The following RORC variants were observed in gnomAD, a reference collection of about 807,000 sequenced individuals.
RORC encodes nuclear receptor ROR-gamma.
In RORC, 13 loss-of-function variants were observed where a neutral mutation model predicts 64.5. The observed-to-expected ratio is 0.20, with a 90% CI of 0.13 to 0.32. The LOEUF (loss-of-function observed/expected upper bound fraction) is 0.32, where lower values mean the gene tolerates loss of function less well. Ranked by LOEUF, RORC falls within the 10% of genes least tolerant of loss-of-function variation. RORC has a pLI of 1.00. For synonymous variants in RORC, 277 were observed against 259.3 expected (o/e 1.07, Z -0.65); for missense variants, 468 against 669.5 (o/e 0.70, Z 3.32).
At chr1:151,812,415 A>G (rs1275850781) in intron 9 of RORC, 2 of 153,976 alleles carry the variant, frequency 1.3e-5, no homozygotes, top group Non-Finnish European at 2.9e-5. Flanking sequence ...CTGTAGGCTA[A>G]TGTAAGCATT....
intron 10 of RORC, among the ~76,000 whole-genome samples, chr1:151,809,858 C>G (rs10494269): frequency 0.22 from 34,201 of 152,136 alleles, 4,241 homozygotes; most frequent in Admixed American, 0.35. Flanking sequence ...AGTAAATTGC[C>G]TAAATGACAG....
chr1:151,818,482 G>C (rs999837466), intron 2 of RORC, among the ~76,000 whole-genome samples: 1 of 152,154 alleles, frequency 6.6e-6, no homozygotes, highest in Admixed American at 6.5e-5. Context: ...CCCTGTTCCT[G>C]TCAATGCCCA....
chr1:151,816,537 G>C, intron 4 of RORC, 127 bp downstream of exon 4: 7 of 991,244 alleles, frequency 7.1e-6, no homozygotes, highest in South Asian at 1.9e-5. Context: ...GGGTTGTAAC[G>C]GGGAGGAATG....
chr1:151,830,794 C>A lies in RORC; in HGVS notation c.40+931G>T. 2.5e-6 allele frequency: 1 copy of A among 404,198 alleles called. No homozygotes were observed. The highest frequency in any genetic ancestry group is 2.0e-5 in the South Asian group (1 of 49,136). The allele number at this position is 404,198 out of a possible 1,614,324, so 25.0% of individuals were successfully genotyped here. A position where few individuals can be genotyped will look rare whatever the true frequency, so the allele number is the denominator to read the frequency against. On this transcript the variant is annotated intron_variant, in intron 1 of 10. Coordinates refer to ENST00000318247, the MANE Select transcript of RORC (RefSeq NM_005060.4). This position sits in a 1 kb window ranked among gnomAD's most constrained non-coding sequence, Gnocchi z 4.0. ...AAAGACTGCCCCGAGGTGGCAAGGC[C>A]CCACCCAGCCCCGCCCACCTCCCCT...
Position 151,830,802 on chromosome 1 carries a change from G to GC in RORC, c.40+922dup. On this transcript the variant is annotated intron_variant, in intron 1 of 10. Coordinates refer to ENST00000318247, the MANE Select transcript of RORC (RefSeq NM_005060.4). The surrounding 1 kb of genome is among the most constrained non-coding windows in gnomAD (Gnocchi z 4.0). Reference sequence around the variant, plus strand: ...CCCCGAGGTGGCAAGGCCCCACCCAGCCCCGCCCACCTCCCCTTGCTCCTG... The same window carrying GC: ...CCCCGAGGTGGCAAGGCCCCACCCAGCCCCCGCCCACCTCCCCTTGCTCCTG... The GC allele has an allele frequency of 9.3e-6, 3 of 323,176 alleles. No homozygotes were observed. Among genetic ancestry groups the GC allele is most frequent in the South Asian group, 4.7e-5 (2 of 42,146 alleles). 20.0% of individuals were successfully genotyped at this position (323,176 alleles called of 1,614,324 possible). A position where few individuals can be genotyped will look rare whatever the true frequency, so the allele number is the denominator to read the frequency against.
intron 2 of RORC, among the ~76,000 whole-genome samples, chr1:151,821,481 G>A (rs1028020450): frequency 3.9e-5 from 6 of 152,218 alleles, no homozygotes; most frequent in Admixed American, 1.3e-4. Context: ...AGCATTGGCT[G>A]AATTCTTACT....
At chr1:151,817,063 G>T in intron 3 of RORC, 132 bp downstream of exon 3, 1 of 795,004 alleles carries the variant, frequency 1.3e-6, no homozygotes, top group South Asian at 1.7e-5. Flanking sequence ...GATCATCCCT[G>T]GAGTCAGAAC....
chr1:151,817,136 G>GTGTGTGTA (rs1316943926), intron 3 of RORC, 59 bp downstream of exon 3: 1 of 1,001,270 alleles, frequency 1.0e-6, no homozygotes, highest in Non-Finnish European at 1.5e-6. Flanking sequence ...GTGTGTGCGC[G>GTGTGTGTA]CGCGCGCGCT....
At chr1:151,831,376 C>A (rs1652413509) in intron 1 of RORC, among the ~76,000 whole-genome samples, 1 of 152,124 alleles carries the variant, frequency 6.6e-6, no homozygotes, top group East Asian at 1.9e-4. Flanking sequence ...GGGGGTAAGC[C>A]CACACCTGGG....
intron 8 of RORC, 29 bp from the exon 9 acceptor site, chr1:151,813,086 A>G (rs761521624): frequency 1.3e-6 from 2 of 1,566,856 alleles, no homozygotes; most frequent in South Asian, 1.1e-5. Flanking sequence ...GAAAAGTGAG[A>G]GAGTGGCTGG....
chr1:151,812,826 T>G (rs1651592017), intron 9 of RORC, 121 bp downstream of exon 9: 1 of 642,070 alleles, frequency 1.6e-6, no homozygotes, highest in East Asian at 2.7e-5. Context: ...TGAGTAGGGC[T>G]CATTCTGCTA....
chr1:151,816,672 G>C lies in RORC; in HGVS notation c.290C>G (p.Ser97Cys). ...TGTCGACTTGGCCTCACCATCTCGG[G>C]ACATGCCCAGCGCCAGGCATTTCTG... is the stretch of plus-strand genomic sequence containing the variant. ...RLQKCLALGMSRDAVKFGRMS... is the reference protein window; with the variant it reads ...RLQKCLALGMCRDAVKFGRMS... Residue 97 changes from serine (S) to cysteine (C), a missense_variant, in exon 4 of 11, where the codon TCC (serine) becomes TGC (cysteine). Coordinates refer to ENST00000318247, the MANE Select transcript of RORC (RefSeq NM_005060.4). 6.2e-7 allele frequency: 1 copy of C among 1,604,838 alleles called. No individual in the cohort carries two copies. Among genetic ancestry groups the C allele is most frequent in the Non-Finnish European group, 8.5e-7 (1 of 1,176,142 alleles).
chr1:151,823,923 G>A (rs1652091717), intron 2 of RORC, among the ~76,000 whole-genome samples: 3 of 152,268 alleles, frequency 2.0e-5, no homozygotes, highest in East Asian at 3.9e-4. Flanking sequence ...GAGCCACCAC[G>A]CCCGGCTGCA....
intron 2 of RORC, among the ~76,000 whole-genome samples, chr1:151,828,508 C>T (rs1652282388): frequency 6.6e-6 from 1 of 152,202 alleles, no homozygotes; most frequent in Admixed American, 6.5e-5. Context: ...TAGTGCCCTT[C>T]TTACCTGCTG....
intron 10 of RORC, 70 bp downstream of exon 10, chr1:151,811,255 C>A: frequency 1.0e-6 from 1 of 978,126 alleles, no homozygotes; most frequent in Non-Finnish European, 1.6e-6. Flanking sequence ...CAGACCCCGG[C>A]CCTCGCAAAC....
chr1:151,831,279 T>C (rs1572050538), intron 1 of RORC: 1 of 476,120 alleles, frequency 2.1e-6, no homozygotes, highest in East Asian at 7.0e-5. Flanking sequence ...CACTGGTGAA[T>C]GAACAGAAGG....
At chr1:151,825,819 G>T in intron 2 of RORC, 1 of 1,300,970 alleles carries the variant, frequency 7.7e-7, no homozygotes, top group African/African-American at 1.5e-5. Context: ...TGACCAGGAC[G>T]CACCCTGCTT....
At chr1:151,827,541 ACCCCCATCTTGGG>A (rs1219068597) in intron 2 of RORC, among the ~76,000 whole-genome samples, 1 of 151,094 alleles carries the variant, frequency 6.6e-6, no homozygotes, top group Admixed American at 6.6e-5. Context: ...CCCATCTTGG[ACCCCCATCTTGGG>A]GTTGTCTCAA....
At chr1:151,824,562 C>T (rs2101672815) in intron 2 of RORC, among the ~76,000 whole-genome samples, 1 of 152,330 alleles carries the variant, frequency 6.6e-6, no homozygotes, top group South Asian at 2.1e-4. Context: ...CCTCCTTATC[C>T]ACCCCAGCTC....
Sources: gnomAD v4.1 joint callset for allele counts (sites outside exome capture counted in the v4.1 genomes callset) on GRCh38, gnomAD v4.1.1 for gene constraint, Gnocchi (gnomAD v3.1) non-coding constraint, MANE v1.5 for transcripts, NCBI Gene and HGNC (gene_info 2026-07-23, HGNC 2026-07-21) for gene names.